The following FOXN3 variants were observed in gnomAD, a reference collection of about 807,000 sequenced individuals.
The protein encoded by FOXN3 is forkhead box N3.
A neutral mutation model predicts 38.4 loss-of-function variants in FOXN3; 7 were observed. The ratio of observed to expected loss-of-function variants is 0.18; its 90% CI spans 0.10 to 0.34. FOXN3 has a LOEUF of 0.34. FOXN3 is among the 10% of genes least tolerant of loss of function. The pLI is 1.00. For missense variants in FOXN3, 456 were observed against 613.4 expected, an observed-to-expected ratio of 0.74 and a Z score of 2.71; for synonymous variants, 230 against 242.2, an observed-to-expected ratio of 0.95 and a Z score of 0.47.
chr14:89,514,953 G>A (rs568973154), intron 1 of FOXN3, among the ~76,000 whole-genome samples: 2 of 149,752 alleles, frequency 1.3e-5, no homozygotes, highest in East Asian at 2.0e-4. Context: ...ACGGAGTCTC[G>A]CCGTCTCCTA....
At chr14:89,178,441 C>A (rs1444561770) in intron 5 of FOXN3, among the ~76,000 whole-genome samples, 1 of 152,212 alleles carries the variant, frequency 6.6e-6, no homozygotes, top group African/African-American at 2.4e-5. Flanking sequence ...TGAGCCACCA[C>A]ACCCAGCCCT....
In FOXN3 at chr14:89,441,176, C is replaced by T. The variant is rs377470333; in HGVS notation, c.-14-28686G>A. On this transcript the variant is annotated intron_variant, in intron 1 of 6. Coordinates refer to the FOXN3 transcript ENST00000345097. Reference sequence around the variant, plus strand: ...CCCAGAGGCCTTTGCACTGTCCCAACCTGCTGGGCCCTTTCCCTCCTCCCT... The same window carrying T: ...CCCAGAGGCCTTTGCACTGTCCCAATCTGCTGGGCCCTTTCCCTCCTCCCT... Among the ~76,000 whole-genome samples the T allele has an allele frequency of 2.0e-3, 304 of 152,312 alleles. 4 individuals carry two copies. Among genetic ancestry groups the T allele is most frequent in the African/African-American group, 6.9e-3 (285 of 41,574 alleles).
intron 1 of FOXN3, among the ~76,000 whole-genome samples, chr14:89,538,367 G>C (rs1481780294): frequency 6.6e-6 from 1 of 152,172 alleles, no homozygotes; most frequent in Admixed American, 6.5e-5. Context: ...CCTCTGGGGA[G>C]GAGATAAGAA....
chr14:89,188,248 A>C (rs1887859541), intron 4 of FOXN3, among the ~76,000 whole-genome samples: 1 of 152,212 alleles, frequency 6.6e-6, no homozygotes, highest in African/African-American at 2.4e-5. Flanking sequence ...AAAAAGAAGT[A>C]TTTACAGTCT....
At chr14:89,337,432 G>C (rs747205688) in intron 3 of FOXN3, among the ~76,000 whole-genome samples, 3 of 152,176 alleles carry the variant, frequency 2.0e-5, no homozygotes, top group Non-Finnish European at 4.4e-5. Flanking sequence ...ACAATTGAGT[G>C]TTTGGGCTGG....
intron 3 of FOXN3, among the ~76,000 whole-genome samples, chr14:89,289,712 A>C (rs116990129): frequency 1.1e-3 from 169 of 152,322 alleles, no homozygotes; most frequent in Non-Finnish European, 2.0e-3. Context: ...CGTGGGCGGA[A>C]ATACGTACTC....
intron 2 of FOXN3, among the ~76,000 whole-genome samples, chr14:89,360,492 G>A (rs1407048446): frequency 2.7e-5 from 4 of 148,854 alleles, no homozygotes; most frequent in Non-Finnish European, 4.5e-5. Flanking sequence ...GAAGGAAAGA[G>A]GAAGGGAGGG....
Position 89,163,595 on chromosome 14 carries a change from C to A in FOXN3, c.852-626G>T, listed in dbSNP as rs965839011. 2.0e-5 allele frequency among the ~76,000 whole-genome samples: 3 copies of A among 152,122 alleles called. No homozygotes were observed. The highest frequency in any genetic ancestry group is 4.8e-5 in the African/African-American group (2 of 41,418). On this transcript the variant is annotated intron_variant, in intron 5 of 5. Transcript: ENST00000557258. This position sits in a 1 kb window ranked among gnomAD's most constrained non-coding sequence, Gnocchi z 4.3. The stretch of plus-strand genomic sequence containing the variant: ...GGATCGGATATAGACACTGCCACAG[C>A]GATGTTGCAGCCTAACAGAGAGGCA...
intron 4 of FOXN3, among the ~76,000 whole-genome samples, chr14:89,197,493 A>C (rs140050994): frequency 0.013 from 1,820 of 140,018 alleles, 42 homozygotes; most frequent in African/African-American, 0.05. Flanking sequence ...GCGACAGAGC[A>C]AGACTGTGTC....
chr14:89,360,716 TACCTCCACCACC>T (rs1467474604), intron 2 of FOXN3, among the ~76,000 whole-genome samples: 2 of 93,312 alleles, frequency 2.1e-5, no homozygotes, highest in Admixed American at 1.1e-4. Flanking sequence ...CCTCCAGCAC[TACCTCCACCACC>T]ACCACCTCCA....
chr14:89,533,004 G>C (rs918639008), intron 1 of FOXN3, among the ~76,000 whole-genome samples: 1 of 152,122 alleles, frequency 6.6e-6, no homozygotes, highest in Non-Finnish European at 1.5e-5. Context: ...GGAAGAAATT[G>C]ATAGAGAAAA....
chr14:89,592,361 A>G (rs1895974361), intron 1 of FOXN3, among the ~76,000 whole-genome samples: 1 of 151,934 alleles, frequency 6.6e-6, no homozygotes, highest in South Asian at 2.1e-4. Flanking sequence ...TCCCTAGAAC[A>G]GGAGCATAAG....
chr14:89,334,557 C>A (rs1243134146), intron 3 of FOXN3, among the ~76,000 whole-genome samples: 1 of 144,576 alleles, frequency 6.9e-6, no homozygotes, highest in Non-Finnish European at 1.5e-5. Context: ...TTGCAGTGAG[C>A]CAAGATCATG....
intron 1 of FOXN3, among the ~76,000 whole-genome samples, chr14:89,574,092 TAAG>T (rs1049349008): frequency 2.0e-5 from 3 of 152,272 alleles, no homozygotes; most frequent in Admixed American, 6.5e-5. Context: ...GTCACTTTTT[TAAG>T]GAGATAGGAG....
Position 89,162,747 on chromosome 14 carries a change from G to A in FOXN3, c.1074C>T (p.Ser358=), listed in dbSNP as rs375910548. 54 of 1,607,408 alleles carry A rather than the reference G, an allele frequency of 3.4e-5. No individual in the cohort carries two copies. The highest frequency in any genetic ancestry group is 3.3e-4 in the South Asian group (30 of 91,026). Reference sequence around the variant, plus strand: ...TCTCGTGGCTCCGGAAGCTCCCCTCGCTGCCCTCGCTGCCCTCCTGGCTCC... The same window carrying A: ...TCTCGTGGCTCCGGAAGCTCCCCTCACTGCCCTCGCTGCCCTCCTGGCTCC... ...TKGSQEGSEG[S]EGSFRSHESP... The change falls in exon 6 of 6, where the codon AGC becomes AGT. Residue 358 remains serine (S), a synonymous_variant. Coordinates refer to ENST00000557258, the MANE Select transcript of FOXN3 (RefSeq NM_005197.4). This position sits in a 1 kb window ranked among gnomAD's most constrained non-coding sequence, Gnocchi z 7.2.
intron 2 of FOXN3, among the ~76,000 whole-genome samples, chr14:89,375,077 T>C (rs1383453918): frequency 1.3e-5 from 2 of 152,022 alleles, no homozygotes; most frequent in South Asian, 2.1e-4. Context: ...ACCACTTCTG[T>C]GGCTGCCTGA....
chr14:89,555,666 A>G (rs903364158), intron 1 of FOXN3, among the ~76,000 whole-genome samples: 3 of 152,192 alleles, frequency 2.0e-5, no homozygotes, highest in Non-Finnish European at 4.4e-5. Context: ...TTCTAAGCCC[A>G]TTCATTCATC....
At chr14:89,363,947 A>AATATATATATATAT (rs67802765) in intron 2 of FOXN3, among the ~76,000 whole-genome samples, 84 of 111,310 alleles carry the variant, frequency 7.5e-4, no homozygotes, top group African/African-American at 3.7e-3. Flanking sequence ...CTGTCTGTAA[A>AATATATATATATAT]ATATATATAT....
intron 1 of FOXN3, among the ~76,000 whole-genome samples, chr14:89,563,635 G>A (rs1369575658): frequency 6.6e-6 from 1 of 152,150 alleles, no homozygotes; most frequent in Non-Finnish European, 1.5e-5. Flanking sequence ...GGCAGAAAGG[G>A]GAGGGGATGC....
Sources: gnomAD v4.1 joint callset for allele counts (sites outside exome capture counted in the v4.1 genomes callset) on GRCh38, gnomAD v4.1.1 for gene constraint, Gnocchi (gnomAD v3.1) non-coding constraint, MANE v1.5 for transcripts, NCBI Gene and HGNC (gene_info 2026-07-23, HGNC 2026-07-21) for gene names.